Variants in DPF3 observed in about 807,000 individuals in gnomAD.
The protein encoded by DPF3 is double PHD fingers 3.
DPF3 carries 18 observed loss-of-function variants against 56.8 expected under a neutral mutation model. The observed-to-expected ratio is 0.32, with a 90% CI of 0.22 to 0.47. The LOEUF (loss-of-function observed/expected upper bound fraction) is 0.47. Among genes scored for constraint, DPF3 ranks in the 20% least tolerant of loss-of-function variants. The probability of loss-of-function intolerance (pLI) is 1.00; values close to 1 mark genes in which losing one functional copy is unlikely to be tolerated. For synonymous variants in DPF3, 188 were observed against 180.2 expected (o/e 1.04, Z -0.35); for missense variants, 403 against 488.8 (o/e 0.82, Z 1.65).
intron 3 of DPF3, among the ~76,000 whole-genome samples, chr14:72,740,280 G>A (rs1286777160): frequency 6.6e-6 from 1 of 152,228 alleles, no homozygotes; most frequent in East Asian, 1.9e-4. Flanking sequence ...GCCGCTGGAG[G>A]TGTTGAGCAA....
Position 72,670,229 on chromosome 14 carries a change from C to T in DPF3, c.871+4011G>A, listed in dbSNP as rs575925043. 9.1e-6 allele frequency: 9 copies of T among 985,960 alleles called. No homozygotes were observed. The East Asian group carries it at 7.9e-4, about 87-fold the overall frequency. 61.1% of individuals were successfully genotyped at this position (985,960 alleles called of 1,614,324 possible). Reference sequence around the variant, plus strand: ...CTTCTATCTTCCAGAAGCACGGCCTCGGCCTCGGGTGGTGGAGTCACTGCT... The same window carrying T: ...CTTCTATCTTCCAGAAGCACGGCCTTGGCCTCGGGTGGTGGAGTCACTGCT... On this transcript the variant is annotated intron_variant, in intron 8 of 10. Transcript: ENST00000556509.
intron 8 of DPF3, among the ~76,000 whole-genome samples, chr14:72,668,327 C>T (rs1162862632): frequency 6.6e-6 from 1 of 152,216 alleles, no homozygotes; most frequent in African/African-American, 2.4e-5. Flanking sequence ...AAGATTTGAA[C>T]TTGATCATCT....
At chr14:72,685,364 T>C (rs752913023) in intron 7 of DPF3, among the ~76,000 whole-genome samples, 13 of 152,220 alleles carry the variant, frequency 8.5e-5, no homozygotes, top group Non-Finnish European at 1.5e-4. Flanking sequence ...TCTCTGAGCC[T>C]CAGTTTCCTT....
chr14:72,836,431 C>T (rs1884297999), intron 1 of DPF3: 1 of 985,506 alleles, frequency 1.0e-6, no homozygotes, highest in African/African-American at 1.7e-5. Flanking sequence ...AGCGCACCCT[C>T]CTCCATGCCT....
chr14:72,792,638 G>A (rs1892486453), intron 1 of DPF3, among the ~76,000 whole-genome samples: 1 of 151,848 alleles, frequency 6.6e-6, no homozygotes, highest in Non-Finnish European at 1.5e-5. Flanking sequence ...AGTCCCCAGG[G>A]TAACAAAGTA....
chr14:72,801,899 CAAA>C (rs1256183714), intron 1 of DPF3, among the ~76,000 whole-genome samples: 1 of 152,170 alleles, frequency 6.6e-6, no homozygotes, highest in Non-Finnish European at 1.5e-5. Flanking sequence ...CCAAGGACAT[CAAA>C]GAAGGCTAGC....
At chr14:72,655,078 T>A (rs957837319) in intron 8 of DPF3, among the ~76,000 whole-genome samples, 2 of 152,214 alleles carry the variant, frequency 1.3e-5, no homozygotes, top group Non-Finnish European at 2.9e-5. Context: ...CATTCTTTCT[T>A]ACATAAGTTG....
chr14:72,790,477 T>C (rs1161648907), intron 1 of DPF3, among the ~76,000 whole-genome samples: 1 of 152,206 alleles, frequency 6.6e-6, no homozygotes, highest in Non-Finnish European at 1.5e-5. Context: ...CTTTATTTTA[T>C]GCAAACTCAT....
intron 3 of DPF3, among the ~76,000 whole-genome samples, chr14:72,744,364 G>A (rs767450550): frequency 4.0e-5 from 6 of 151,826 alleles, no homozygotes; most frequent in Admixed American, 6.6e-5. Context: ...CCACAACCTC[G>A]CGGACTTCAT....
At chr14:72,882,795 C>T (rs1427658239) in intron 1 of DPF3, among the ~76,000 whole-genome samples, 1 of 152,108 alleles carries the variant, frequency 6.6e-6, no homozygotes, top group South Asian at 2.1e-4. Context: ...ACCGCGTTGC[C>T]GCCCCTCTCC....
chr14:72,834,494 C>CA (rs375709642), intron 1 of DPF3, among the ~76,000 whole-genome samples: 10,546 of 91,318 alleles, frequency 0.12, 992 homozygotes, highest in African/African-American at 0.23. Flanking sequence ...GAGACTGTCT[C>CA]AAAAAAAAAA....
rs1348743087 is a variant in DPF3, at chr14:72,612,190, C to T, written c.*7107G>A. Among the ~76,000 whole-genome samples, 1 of 152,188 alleles carries T rather than the reference C, an allele frequency of 6.6e-6. No homozygotes were observed. The highest frequency in any genetic ancestry group is 1.5e-5 in the Non-Finnish European group (1 of 68,028). On this transcript the variant is annotated 3_prime_UTR_variant, in exon 11 of 11. Transcript: ENST00000556509. ...ATGAGTGGGGGGCAGCTTGGATGGA[C>T]TCTGTTCCCTTTCCTGGCCAGAGGA... is the stretch of plus-strand genomic sequence containing the variant.
At chr14:72,741,173 C>T (rs1470848651) in intron 3 of DPF3, among the ~76,000 whole-genome samples, 18 of 152,152 alleles carry the variant, frequency 1.2e-4, no homozygotes, top group South Asian at 2.1e-4. Flanking sequence ...GTGTTGGGGA[C>T]GGGAACTGTG....
chr14:72,828,106 A>G (rs1883891207), intron 1 of DPF3, among the ~76,000 whole-genome samples: 1 of 152,204 alleles, frequency 6.6e-6, no homozygotes, highest in Non-Finnish European at 1.5e-5. Context: ...TTCATGCTAC[A>G]AGCAACCTTG....
chr14:72,827,295 G>A (rs534237566), intron 1 of DPF3, among the ~76,000 whole-genome samples: 1 of 152,046 alleles, frequency 6.6e-6, no homozygotes, highest in African/African-American at 2.4e-5. Context: ...TTCAGCCCTA[G>A]TTCTGGAAAA....
At chr14:72,752,838 C>A (rs1341841568) in intron 3 of DPF3, among the ~76,000 whole-genome samples, 1 of 152,190 alleles carries the variant, frequency 6.6e-6, no homozygotes, top group African/African-American at 2.4e-5. Context: ...CTCCAAAGCT[C>A]ATACAGGGTA....
At chr14:72,671,277 C>T (rs367664712) in intron 8 of DPF3, 2 of 1,614,006 alleles carry the variant, frequency 1.2e-6, no homozygotes, top group East Asian at 4.5e-5. Flanking sequence ...CGAATAAGTC[C>T]TCCGTGGTAC....
At chr14:72,676,617 T>G (rs916570173) in intron 7 of DPF3, among the ~76,000 whole-genome samples, 67 of 152,216 alleles carry the variant, frequency 4.4e-4, no homozygotes, top group Non-Finnish European at 1.0e-4. Context: ...GGCAGGTTTT[T>G]CCCTAGCAGC....
chr14:72,658,249 C>T (rs1441807889), intron 8 of DPF3, among the ~76,000 whole-genome samples: 1 of 152,144 alleles, frequency 6.6e-6, no homozygotes, highest in Non-Finnish European at 1.5e-5. Flanking sequence ...TGTATCGAAA[C>T]ATCTCATGTA....
Sources: gnomAD v4.1 joint callset for allele counts (sites outside exome capture counted in the v4.1 genomes callset) on GRCh38, gnomAD v4.1.1 for gene constraint, MANE v1.5 for transcripts, NCBI Gene and HGNC (gene_info 2026-07-23, HGNC 2026-07-21) for gene names.